KDM2A: variants seen among roughly 807,000 people sequenced by gnomAD.
KDM2A encodes the protein lysine demethylase 2A.
A neutral mutation model predicts 137.3 loss-of-function variants in KDM2A; 3 were observed. The ratio of observed to expected loss-of-function variants is 0.02; its 90% CI spans 0.01 to 0.06. The LOEUF is 0.06. Among genes scored for constraint, KDM2A ranks in the 10% least tolerant of loss-of-function variants. The probability of loss-of-function intolerance (pLI) is 1.00; values close to 1 mark genes in which losing one functional copy is unlikely to be tolerated. For synonymous variants in KDM2A, 512 were observed against 541.5 expected (o/e 0.95, Z 0.76); for missense variants, 738 against 1,510.6 (o/e 0.49, Z 8.48).
chr11:67,171,922 C>A (rs972253638), intron 2 of KDM2A, among the ~76,000 whole-genome samples: 75 of 152,348 alleles, frequency 4.9e-4, no homozygotes, highest in African/African-American at 1.6e-3. Context: ...ACACCAGTAC[C>A]ACCCAGTCTT....
chr11:67,253,192 T>G (rs1435499081), intron 18 of KDM2A, among the ~76,000 whole-genome samples: 1 of 152,226 alleles, frequency 6.6e-6, no homozygotes, highest in Non-Finnish European at 1.5e-5. Context: ...CTTGTTCTCT[T>G]CAGCATTTTG....
chr11:67,232,682 C>CT (rs558208078), intron 12 of KDM2A, among the ~76,000 whole-genome samples: 5,795 of 131,724 alleles, frequency 0.044, 121 homozygotes, highest in African/African-American at 0.063. Flanking sequence ...CAGACTTGAG[C>CT]TTTTTTTTTT....
intron 6 of KDM2A, among the ~76,000 whole-genome samples, chr11:67,208,502 G>A (rs1327959205): frequency 6.6e-6 from 1 of 151,996 alleles, no homozygotes; most frequent in Non-Finnish European, 1.5e-5. Flanking sequence ...CAGGCGCAGT[G>A]GCTCATGCTT....
At chr11:67,224,572 A>G (rs910141091) in intron 10 of KDM2A, among the ~76,000 whole-genome samples, 1 of 137,708 alleles carries the variant, frequency 7.3e-6, no homozygotes, top group Admixed American at 8.4e-5. Context: ...GGTTCACACC[A>G]TTCTCCTGCC....
rs56973148 is a variant in KDM2A at position 67,156,718 on chromosome 11, C to CA, written c.43-23340dup. Among the ~76,000 whole-genome samples, 535 of 90,850 alleles carry CA rather than the reference C, an allele frequency of 5.9e-3. 3 individuals carry two copies. Among genetic ancestry groups the CA allele is most frequent in the African/African-American group, 0.019 (482 of 24,818 alleles). The allele number at this position is 90,850 out of a possible 152,430, so 59.6% of individuals were successfully genotyped here. A position where few individuals can be genotyped will look rare whatever the true frequency, so the allele number is the denominator to read the frequency against. The stretch of plus-strand genomic sequence containing the variant: ...TGGGCAACAGAGCGAGACTCCATCT[C>CA]AAAAAAAAAAAAAAAAAAAAATTAG... On this transcript the variant is annotated intron_variant, in intron 2 of 20. Transcript: ENST00000529006.
intron 2 of KDM2A, among the ~76,000 whole-genome samples, chr11:67,179,111 T>C (rs1857031499): frequency 6.6e-6 from 1 of 152,186 alleles, no homozygotes; most frequent in Non-Finnish European, 1.5e-5. Context: ...TAAAGTGGTA[T>C]TTCATTGTGG....
intron 2 of KDM2A, among the ~76,000 whole-genome samples, chr11:67,128,371 A>T (rs976853499): frequency 6.6e-6 from 1 of 151,342 alleles, no homozygotes; most frequent in Non-Finnish European, 1.5e-5. Context: ...AAAATAGAAT[A>T]TTTATTTTAA....
intron 2 of KDM2A, among the ~76,000 whole-genome samples, chr11:67,156,718 CAAAA>C (rs56973148): frequency 8.8e-5 from 8 of 90,878 alleles, no homozygotes; most frequent in East Asian, 3.0e-4. Context: ...GACTCCATCT[CAAAA>C]AAAAAAAAAA....
chr11:67,217,995 A>G (rs1207520348), intron 9 of KDM2A, 111 bp downstream of exon 9: 5 of 959,700 alleles, frequency 5.2e-6, no homozygotes, highest in South Asian at 1.8e-5. Context: ...GCAGAAAACA[A>G]CAGTGTTTCT....
intron 2 of KDM2A, among the ~76,000 whole-genome samples, chr11:67,161,142 G>T (rs1162017357): frequency 1.3e-5 from 2 of 152,194 alleles, no homozygotes; most frequent in Non-Finnish European, 2.9e-5. Flanking sequence ...TGGGAGGATT[G>T]CTTGAGGCTA....
At chr11:67,132,894 C>A (rs535831878) in intron 2 of KDM2A, among the ~76,000 whole-genome samples, 38 of 152,126 alleles carry the variant, frequency 2.5e-4, no homozygotes, top group African/African-American at 8.9e-4. Flanking sequence ...TTTTGATCCA[C>A]GCAAAAGTTT....
chr11:67,242,795 A>G (rs1859087701), intron 12 of KDM2A, among the ~76,000 whole-genome samples: 1 of 152,092 alleles, frequency 6.6e-6, no homozygotes, highest in Non-Finnish European at 1.5e-5. Context: ...CAAAGTTTTG[A>G]TAATATTGCA....
At chr11:67,233,461 G>A (rs1210048914) in intron 12 of KDM2A, among the ~76,000 whole-genome samples, 2 of 118,244 alleles carry the variant, frequency 1.7e-5, no homozygotes, top group African/African-American at 3.6e-5. Context: ...AGATCAGCCT[G>A]GCCAAGATGG....
intron 11 of KDM2A, among the ~76,000 whole-genome samples, chr11:67,230,211 A>T (rs1858668952): frequency 6.6e-6 from 1 of 151,464 alleles, no homozygotes; most frequent in African/African-American, 2.4e-5. Context: ...AGAGCTAGGC[A>T]CTGTGATGAG....
At chr11:67,203,003 CAAAAAAA>C (rs752108775) in intron 5 of KDM2A, among the ~76,000 whole-genome samples, 2 of 104,878 alleles carry the variant, frequency 1.9e-5, no homozygotes, top group Non-Finnish European at 4.3e-5. Flanking sequence ...CGTCCGCCGC[CAAAAAAA>C]AAAAAAAAGA....
intron 12 of KDM2A, among the ~76,000 whole-genome samples, chr11:67,241,962 A>G (rs1025517257): frequency 2.0e-5 from 3 of 152,148 alleles, no homozygotes; most frequent in African/African-American, 7.2e-5. Context: ...CCAGCTACTC[A>G]GGAGGCTGAG....
intron 10 of KDM2A, among the ~76,000 whole-genome samples, chr11:67,223,686 G>A (rs1010471586): frequency 3.9e-5 from 6 of 152,038 alleles, no homozygotes; most frequent in Non-Finnish European, 5.9e-5. Flanking sequence ...TTGGGACCAC[G>A]GGCATGAGCC....
chr11:67,129,524 G>T (rs936277726), intron 2 of KDM2A, among the ~76,000 whole-genome samples: 9 of 152,084 alleles, frequency 5.9e-5, no homozygotes, highest in Non-Finnish European at 1.3e-4. Context: ...CACAAGGTCA[G>T]GAGATCGAGA....
Position 67,202,298 on chromosome 11 carries a change from A to G in KDM2A, c.308-5212A>G, listed in dbSNP as rs757937345. ...GTAAACATTGTTAAAATAACAAGGT[A>G]TTTAGGATATTACATAAAGTGAGTT... On this transcript the variant is annotated intron_variant, in intron 5 of 20. Transcript: ENST00000529006. Among the ~76,000 whole-genome samples the G allele has an allele frequency of 3.3e-5, 5 of 152,174 alleles. No homozygotes were observed. The South Asian group carries it at 8.3e-4, about 25-fold the overall frequency.
Sources: gnomAD v4.1 joint callset for allele counts (sites outside exome capture counted in the v4.1 genomes callset) on GRCh38, gnomAD v4.1.1 for gene constraint, MANE v1.5 for transcripts, NCBI Gene and HGNC (gene_info 2026-07-23, HGNC 2026-07-21) for gene names.